NAALADL2: variants seen among roughly 807,000 people sequenced by gnomAD.
NAALADL2 encodes the protein inactive N-acetylated-alpha-linked acidic dipeptidase-like protein 2.
A neutral mutation model predicts 87.2 loss-of-function variants in NAALADL2; 76 were observed. The ratio of observed to expected loss-of-function variants is 0.87; its 90% CI spans 0.72 to 1.05. The LOEUF is 1.05. Ranked by LOEUF, NAALADL2 falls within the 50% of genes least tolerant of loss-of-function variation. NAALADL2 has a pLI of 0.00. For synonymous variants in NAALADL2, 354 were observed against 331.0 expected, an observed-to-expected ratio of 1.07 and a Z score of -0.75; for missense variants, 1,089 against 945.8, an observed-to-expected ratio of 1.15 and a Z score of -1.99.
intron 2 of NAALADL2, among the ~76,000 whole-genome samples, chr3:174,668,266 T>TA (rs1726163249): frequency 6.6e-6 from 1 of 151,978 alleles, no homozygotes; most frequent in African/African-American, 2.4e-5. Context: ...TAGCCTCTTA[T>TA]TATATATATA....
chr3:174,711,796 A>G (rs1170749428), intron 2 of NAALADL2, among the ~76,000 whole-genome samples: 4 of 152,146 alleles, frequency 2.6e-5, no homozygotes, highest in Non-Finnish European at 5.9e-5. Flanking sequence ...AGATAAACAT[A>G]TGAATTTTTG....
At chr3:175,050,797 G>T (rs114206465) in intron 1 of NAALADL2, among the ~76,000 whole-genome samples, 3,489 of 152,278 alleles carry the variant, frequency 0.023, 53 homozygotes, top group Non-Finnish European at 0.034. Context: ...ATCTAATTGA[G>T]AGTGTTATCT....
At chr3:174,928,676 C>A (rs1736442787) in intron 1 of NAALADL2, among the ~76,000 whole-genome samples, 1 of 152,078 alleles carries the variant, frequency 6.6e-6, no homozygotes, top group South Asian at 2.1e-4. Context: ...CTCTCACAGC[C>A]AATTTTAATA....
intron 3 of NAALADL2, among the ~76,000 whole-genome samples, chr3:174,752,750 A>T (rs1158878786): frequency 6.6e-6 from 1 of 152,092 alleles, no homozygotes; most frequent in Non-Finnish European, 1.5e-5. Flanking sequence ...AATACTTGAG[A>T]ATAGTAATTT....
intron 1 of NAALADL2, among the ~76,000 whole-genome samples, chr3:174,974,042 A>C (rs1316420311): frequency 6.6e-6 from 1 of 152,220 alleles, no homozygotes; most frequent in Admixed American, 6.5e-5. Flanking sequence ...AATAGTATTG[A>C]AACTTTGTAA....
chr3:175,641,293 A>T (rs181244759), intron 11 of NAALADL2, among the ~76,000 whole-genome samples: 1 of 151,874 alleles, frequency 6.6e-6, no homozygotes, highest in East Asian at 1.9e-4. Flanking sequence ...TTTTTCTTCA[A>T]AGGTCTTACT....
At chr3:175,358,851 G>A (rs1764674820) in intron 5 of NAALADL2, among the ~76,000 whole-genome samples, 1 of 152,048 alleles carries the variant, frequency 6.6e-6, no homozygotes, top group Non-Finnish European at 1.5e-5. Flanking sequence ...GGCACAATAA[G>A]TCAATAGGTT....
At chr3:175,565,589 A>C (rs764299112) in intron 9 of NAALADL2, among the ~76,000 whole-genome samples, 20 of 151,392 alleles carry the variant, frequency 1.3e-4, no homozygotes, top group Non-Finnish European at 2.2e-4. Flanking sequence ...GCTGTTGTCC[A>C]TTCCCAAAAC....
intron 4 of NAALADL2, among the ~76,000 whole-genome samples, chr3:175,258,665 A>T (rs1750495200): frequency 6.6e-6 from 1 of 152,074 alleles, no homozygotes; most frequent in South Asian, 2.1e-4. Context: ...GGAATTTTGG[A>T]GAGATTTATG....
At chr3:175,011,276 G>C (rs1359027989) in intron 1 of NAALADL2, among the ~76,000 whole-genome samples, 7 of 110,454 alleles carry the variant, frequency 6.3e-5, no homozygotes, top group African/African-American at 1.8e-4. Context: ...GAGAGACAGA[G>C]AGACAGAGAG....
Position 174,721,326 on chromosome 3 carries a change from A to G in NAALADL2, c.-114-16315A>G, listed in dbSNP as rs58997691. Reference sequence around the variant, plus strand: ...TGACAGTGAGTATTCTACATTTAGCATTATTCTACTAGATATTTCCTTTCC... The same window carrying G: ...TGACAGTGAGTATTCTACATTTAGCGTTATTCTACTAGATATTTCCTTTCC... On this transcript the variant is annotated intron_variant, in intron 2 of 3. Coordinates refer to the NAALADL2 transcript ENST00000434257. Among the ~76,000 whole-genome samples, 936 of 152,314 alleles carry G rather than the reference A, an allele frequency of 6.1e-3. 6 individuals carry two copies. Among genetic ancestry groups the G allele is most frequent in the African/African-American group, 0.021 (890 of 41,560 alleles).
intron 1 of NAALADL2, among the ~76,000 whole-genome samples, chr3:174,493,007 A>T (rs945829327): frequency 3.3e-5 from 5 of 152,164 alleles, no homozygotes; most frequent in East Asian, 1.9e-4. Context: ...GACTTTAAGG[A>T]TTTTTTCTTA....
At chr3:174,604,202 T>A (rs1718746961) in intron 2 of NAALADL2, among the ~76,000 whole-genome samples, 1 of 152,166 alleles carries the variant, frequency 6.6e-6, no homozygotes, top group South Asian at 2.1e-4. Flanking sequence ...TTATTGTATT[T>A]CTCTTTAGCT....
intron 2 of NAALADL2, among the ~76,000 whole-genome samples, chr3:174,731,543 G>T (rs560819962): frequency 6.6e-6 from 1 of 152,164 alleles, no homozygotes; most frequent in African/African-American, 2.4e-5. Context: ...AAATGGATCT[G>T]CCATAGCCAG....
chr3:174,556,162 A>G (rs1013856037), intron 2 of NAALADL2, among the ~76,000 whole-genome samples: 19 of 152,294 alleles, frequency 1.2e-4, no homozygotes, highest in East Asian at 3.9e-4. Context: ...TGTCAGGAAA[A>G]GGAATCTTTG....
rs566910220 is a variant in NAALADL2, at chr3:174,691,223, C to A, written c.-114-46418C>A. On this transcript the variant is annotated intron_variant, in intron 2 of 3. Transcript: ENST00000434257. ...GGTCAGGAGTTCGAGACCAGCCTGT[C>A]CAACATGGCAAAACCCCATTTCTAC... 9.5e-4 allele frequency among the ~76,000 whole-genome samples: 145 copies of A among 152,116 alleles called. No homozygotes were observed. In the South Asian group the frequency reaches 1.0e-2, roughly 10 times the overall value.
In NAALADL2 at chr3:175,803,252, AG is replaced by A; in HGVS notation, c.*50del. 2.1e-6 allele frequency: 3 copies of A among 1,413,292 alleles called. No individual in the cohort carries two copies. Among genetic ancestry groups the A allele is most frequent in the African/African-American group, 2.9e-5 (2 of 70,172 alleles). The allele number at this position is 1,413,292 out of a possible 1,614,324, so 87.5% of individuals were successfully genotyped here. A position where few individuals can be genotyped will look rare whatever the true frequency, so the allele number is the denominator to read the frequency against. On this transcript the variant is annotated 3_prime_UTR_variant, in exon 14 of 14. Transcript: ENST00000454872. ...GTTTGTTTACAATTCCACAAGCAAA[AG>A]CTCTAATTTAACCAGATTTTCTGAC...
chr3:174,786,080 A>G (rs543483642), intron 3 of NAALADL2, among the ~76,000 whole-genome samples: 12 of 152,228 alleles, frequency 7.9e-5, no homozygotes, highest in African/African-American at 2.6e-4. Flanking sequence ...CACAGCCAGG[A>G]ACTCTATTTA....
intron 2 of NAALADL2, among the ~76,000 whole-genome samples, chr3:174,703,555 T>C (rs1310249056): frequency 1.3e-5 from 2 of 152,156 alleles, no homozygotes; most frequent in African/African-American, 2.4e-5. Flanking sequence ...TTTCAGATCA[T>C]AGATGCCTCT....
Sources: allele counts gnomAD v4.1 joint callset (sites outside exome capture counted in the v4.1 genomes callset), GRCh38; gene constraint gnomAD v4.1.1; transcripts MANE v1.5; gene names NCBI Gene and HGNC (gene_info 2026-07-23, HGNC 2026-07-21).